Variants in BTNL3 observed in about 807,000 individuals in gnomAD.
BTNL3 encodes butyrophilin like 3, also known as butyrophilin-like protein 3.
A neutral mutation model predicts 40.1 loss-of-function variants in BTNL3; 20 were observed. That is an observed-to-expected ratio of 0.50 (90% CI 0.35 to 0.72). The LOEUF is 0.72. BTNL3 is among the 30% of genes least tolerant of loss of function. The pLI is 0.01. For missense variants in BTNL3, 449 were observed against 582.2 expected (o/e 0.77, Z 2.35); for synonymous variants, 179 against 222.1 (o/e 0.81, Z 1.73).
Position 180,988,868 on chromosome 5 carries a change from T to G in BTNL3, c.-161T>G. 1.2e-6 allele frequency: 1 copy of G among 836,370 alleles called. No individual in the cohort carries two copies. Among genetic ancestry groups the G allele is most frequent in the Non-Finnish European group, 1.8e-6 (1 of 551,704 alleles). 51.8% of individuals were successfully genotyped at this position (836,370 alleles called of 1,614,324 possible). On this transcript the variant is annotated 5_prime_UTR_variant, in exon 1 of 8. The change abolishes an upstream ATG in the 5' untranslated region. Coordinates refer to ENST00000342868, the MANE Select transcript of BTNL3 (RefSeq NM_197975.3). ...CCCATACTCCTCATTCATACAGCCA[T>G]GTTTAGGGAGGCTCTAGGGAGAAAT... is the stretch of plus-strand genomic sequence containing the variant.
Position 180,997,291 on chromosome 5 carries a change from G to C in BTNL3, c.476G>C (p.Trp159Ser). 1 of 1,464,690 alleles carries C rather than the reference G, an allele frequency of 6.8e-7. No individual in the cohort carries two copies. Among genetic ancestry groups the C allele is most frequent in the African/African-American group, 1.4e-5 (1 of 72,844 alleles). The allele number at this position is 1,464,690 out of a possible 1,614,324, so 90.7% of individuals were successfully genotyped here. The change falls in exon 3 of 8, where the codon TGG becomes TCG. Residue 159 changes from tryptophan (W) to serine (S), a missense_variant. This residue lies in a region of BTNL3 where 323 missense variants were observed against 464.9 expected (regional missense o/e 0.69). Transcript: ENST00000342868. ...CAGTTACTCTGCCTGTCCTCAGGCT[G>C]GTTCCCCCAGCCCACAGCCAAGTGG... ...GIQLLCLSSG[W>S]FPQPTAKWKG...
rs889528615 is a variant in BTNL3, at chr5:180,989,018, C to T, written c.-11C>T. Reference sequence around the variant, plus strand: ...GTTTTCATAGTGTGAGATCAACCCACAGGAATATCCATGGCTTTTGTGCTC... The same window carrying T: ...GTTTTCATAGTGTGAGATCAACCCATAGGAATATCCATGGCTTTTGTGCTC... On this transcript the variant is annotated 5_prime_UTR_variant, in exon 1 of 8. Coordinates refer to ENST00000342868, the MANE Select transcript of BTNL3 (RefSeq NM_197975.3). 6 of 1,448,594 alleles carry T rather than the reference C, an allele frequency of 4.1e-6. 2 individuals carry two copies. The highest frequency in any genetic ancestry group is 1.4e-5 in the African/African-American group (1 of 72,400). 89.7% of individuals were successfully genotyped at this position (1,448,594 alleles called of 1,614,324 possible). A position where few individuals can be genotyped will look rare whatever the true frequency, so the allele number is the denominator to read the frequency against.
At chr5:181,004,641 C>T in intron 6 of BTNL3, 95 bp from the exon 7 acceptor site, 5 of 1,612,714 alleles carry the variant, frequency 3.1e-6, no homozygotes, top group Non-Finnish European at 4.2e-6. Context: ...GTCCACAACA[C>T]TCAAAAAGGG....
intron 7 of BTNL3, 113 bp from the exon 8 acceptor site, chr5:181,005,221 G>A (rs989693783): frequency 6.5e-7 from 1 of 1,547,454 alleles, no homozygotes; most frequent in East Asian, 2.2e-5. Flanking sequence ...GGGATAGTGG[G>A]ACTGGCCGGA....
In BTNL3 at chr5:180,993,957, C is replaced by A. The variant is rs1034218757; in HGVS notation, c.397+797C>A. ...CTCAGATTACAGGCATGCGCCACCA[C>A]ACCCAGCTAATTTTTTTTTGTATTT... On this transcript the variant is annotated intron_variant, in intron 2 of 7. Transcript: ENST00000342868. Among the ~76,000 whole-genome samples, 4 of 135,826 alleles carry A rather than the reference C, an allele frequency of 2.9e-5. 1 individual carries two copies. The East Asian group carries it at 8.6e-4, about 29-fold the overall frequency. 89.1% of individuals were successfully genotyped at this position (135,826 alleles called of 152,430 possible). A position where few individuals can be genotyped will look rare whatever the true frequency, so the allele number is the denominator to read the frequency against.
In BTNL3 at chr5:181,005,835, G is replaced by A; in HGVS notation, c.1364G>A (p.Gly455Glu). 6.2e-7 allele frequency: 1 copy of A among 1,612,882 alleles called. No individual in the cohort carries two copies. The highest frequency in any genetic ancestry group is 8.5e-7 in the Non-Finnish European group (1 of 1,179,392). ...CATGCGATGTATGACGAGGAAAAGG[G>A]GACTCCCATATTCATATGTCCAGTG... ...IQHAMYDEEK[G>E]TPIFICPVSW... Residue 455 changes from glycine to glutamate, a missense_variant, in exon 8 of 8, where the codon GGG (glycine) becomes GAG (glutamate). By Grantham distance (98) the Gly-to-Glu change is moderately conservative (BLOSUM62 -2). This residue lies in a region of BTNL3 where 126 missense variants were observed against 117.2 expected (regional missense o/e 1.07). Coordinates refer to ENST00000342868, the MANE Select transcript of BTNL3 (RefSeq NM_197975.3).
Position 181,005,640 on chromosome 5 carries a change from C to A in BTNL3, c.1169C>A (p.Thr390Lys). The change falls in exon 8 of 8, where the codon ACA (threonine) becomes AAA (lysine). Residue 390 changes from threonine (T) to lysine (K), a missense_variant. By Grantham distance (78) the Thr-to-Lys change is moderately conservative (BLOSUM62 -1). Transcript: ENST00000342868. ...CTGACAACAGAACATTTGTATTTCA[C>A]ATTCAATCCCCATTTTATCAGCCTC... ...LRLTTEHLYF[T>K]FNPHFISLPP... 1 of 1,614,044 alleles carries A rather than the reference C, an allele frequency of 6.2e-7. No individual in the cohort carries two copies. The highest frequency in any genetic ancestry group is 8.5e-7 in the Non-Finnish European group (1 of 1,179,982).
chr5:181,004,115 T>C, intron 5 of BTNL3: 4 of 1,352,808 alleles, frequency 3.0e-6, no homozygotes, highest in Non-Finnish European at 4.0e-6. Flanking sequence ...TGTTGCCCGT[T>C]GGTTTGCTGT....
chr5:180,999,861 T>C (rs1020386529), intron 3 of BTNL3, among the ~76,000 whole-genome samples: 3 of 136,380 alleles, frequency 2.2e-5, no homozygotes, highest in African/African-American at 7.6e-5. Context: ...ATAGACTACC[T>C]GACTAATTTG....
rs112573626 is a variant in BTNL3 at position 181,005,622 on chromosome 5, C to G, written c.1151C>G (p.Thr384Arg). 7.6e-4 allele frequency: 1,222 copies of G among 1,614,036 alleles called. 8 individuals are homozygous for G. In the African/African-American group the frequency reaches 9.9e-3, roughly 13 times the overall value. The change falls in exon 8 of 8, where the codon ACA becomes AGA. Residue 384 changes from threonine to arginine, a missense_variant. Thr to Arg is a moderately conservative substitution (Grantham distance 71). Transcript: ENST00000342868. ...NNGYWVLRLT[T>R]EHLYFTFNPH... ...GGGTATTGGGTCCTCAGACTGACAA[C>G]AGAACATTTGTATTTCACATTCAAT...
chr5:180,998,952 C>A (rs1207813705), intron 3 of BTNL3, among the ~76,000 whole-genome samples: 1 of 136,118 alleles, frequency 7.3e-6, no homozygotes, highest in Admixed American at 7.8e-5. Flanking sequence ...AATGGTGAAA[C>A]CCCGTCTCTA....
chr5:180,989,183 T>G, intron 1 of BTNL3, 106 bp downstream of exon 1: 1 of 1,238,496 alleles, frequency 8.1e-7, no homozygotes, highest in Non-Finnish European at 1.1e-6. Flanking sequence ...TCTTTGGTGC[T>G]TGCATTCTCC....
At position 181,005,820 on chromosome 5, in the gene BTNL3, A is replaced by G. The variant is rs570861782; in HGVS notation, c.1349A>G (p.Tyr450Cys). The G allele has an allele frequency of 5.6e-6, 9 of 1,613,740 alleles. No individual in the cohort carries two copies. The highest frequency in any genetic ancestry group is 3.3e-5 in the Admixed American group (2 of 59,974). The change falls in exon 8 of 8, where the codon TAT becomes TGT. Residue 450 changes from tyrosine (Y) to cysteine (C), a missense_variant. This residue lies in a region of BTNL3 where 126 missense variants were observed against 117.2 expected (regional missense o/e 1.07). Coordinates refer to ENST00000342868, the MANE Select transcript of BTNL3 (RefSeq NM_197975.3). ...AGACCCTATATCCAGCATGCGATGTATGACGAGGAAAAGGGGACTCCCATA... is the reference window on the plus strand; with the variant it reads ...AGACCCTATATCCAGCATGCGATGTGTGACGAGGAAAAGGGGACTCCCATA... Reference protein sequence around the residue: ...LLRPYIQHAMYDEEKGTPIFI... With the variant: ...LLRPYIQHAMCDEEKGTPIFI...
rs73355213 is a variant in BTNL3, at chr5:180,996,019, T to A, written c.398-1194T>A. 7.9e-3 allele frequency among the ~76,000 whole-genome samples: 1,079 copies of A among 136,570 alleles called. 111 individuals carry two copies. The highest frequency in any genetic ancestry group is 0.025 in the African/African-American group (1,009 of 39,778). 89.6% of individuals were successfully genotyped at this position (136,570 alleles called of 152,430 possible). A position where few individuals can be genotyped will look rare whatever the true frequency, so the allele number is the denominator to read the frequency against. On this transcript the variant is annotated intron_variant, in intron 2 of 7. Coordinates refer to ENST00000342868, the MANE Select transcript of BTNL3 (RefSeq NM_197975.3). Reference sequence around the variant, plus strand: ...TACACCACCATCATTCTTTCATTAATTTATTGACTAACAAACATTTATTAG... The same window carrying A: ...TACACCACCATCATTCTTTCATTAAATTATTGACTAACAAACATTTATTAG...
chr5:181,003,092 G>A (rs190064140), intron 4 of BTNL3, among the ~76,000 whole-genome samples: 6 of 136,418 alleles, frequency 4.4e-5, no homozygotes, highest in African/African-American at 1.3e-4. Flanking sequence ...GCCGTGGCTC[G>A]TGTCTGTAAT....
At position 181,001,951 on chromosome 5, in the gene BTNL3, G is replaced by C. The variant is rs1263658604; in HGVS notation, c.674-721G>C. The stretch of plus-strand genomic sequence containing the variant: ...TCCTCCCACTTTGGCCTCCCAAACT[G>C]CTGGGTTTATAGGCATGAGCCACTG... On this transcript the variant is annotated intron_variant, in intron 3 of 7. Coordinates refer to ENST00000342868, the MANE Select transcript of BTNL3 (RefSeq NM_197975.3). 1.5e-5 allele frequency among the ~76,000 whole-genome samples: 2 copies of C among 134,324 alleles called. 1 individual carries two copies. Among genetic ancestry groups the C allele is most frequent in the Admixed American group, 1.6e-4 (2 of 12,618 alleles). The allele number at this position is 134,324 out of a possible 152,430, so 88.1% of individuals were successfully genotyped here. A position where few individuals can be genotyped will look rare whatever the true frequency, so the allele number is the denominator to read the frequency against.
At position 181,000,817 on chromosome 5, in the gene BTNL3, AAAAATAAAATAAAATAAAAAAAT is replaced by A. The variant is rs1760098804; in HGVS notation, c.674-1835_674-1813del. Among the ~76,000 whole-genome samples, 5 of 135,570 alleles carry A rather than the reference AAAAATAAAATAAAATAAAAAAAT, an allele frequency of 3.7e-5. 1 individual carries two copies. The highest frequency in any genetic ancestry group is 7.8e-5 in the Admixed American group (1 of 12,802). The allele number at this position is 135,570 out of a possible 152,430, so 88.9% of individuals were successfully genotyped here. ...GACAGAGCGAGACTCCGTCTCAAAA[AAAAATAAAATAAAATAAAAAAAT>A]AAAATAAAATAAAATAAAATCATAA... On this transcript the variant is annotated intron_variant, in intron 3 of 7. Transcript: ENST00000342868.
Position 181,005,690 on chromosome 5 carries a change from G to A in BTNL3, c.1219G>A (p.Val407Ile). The change falls in exon 8 of 8, where the codon GTA becomes ATA. Residue 407 changes from valine to isoleucine, a missense_variant. Val to Ile is a conservative substitution (Grantham distance 29). Around this residue, in one of 2 missense-constraint regions of BTNL3, gnomAD observed 126 missense variants for 117.2 expected, o/e 1.07. Transcript: ENST00000342868. ...CCCCCCCAGCACCCCTCCTACACGA[G>A]TAGGGGTCTTCCTGGACTATGAGGG... The part of the protein sequence containing the change: ...SLPPSTPPTR[V>I]GVFLDYEGGT... 6.2e-7 allele frequency: 1 copy of A among 1,614,102 alleles called. No homozygotes were observed. Among genetic ancestry groups the A allele is most frequent in the Non-Finnish European group, 8.5e-7 (1 of 1,180,014 alleles).
intron 5 of BTNL3, 69 bp from the exon 6 acceptor site, chr5:181,004,348 C>T: frequency 1.4e-6 from 1 of 722,104 alleles, no homozygotes; most frequent in Non-Finnish European, 2.3e-6. Flanking sequence ...CCCTCCCACG[C>T]CCTCCCTGGG....
Sources: allele counts gnomAD v4.1 joint callset (sites outside exome capture counted in the v4.1 genomes callset), GRCh38; gene constraint gnomAD v4.1.1; regional missense constraint gnomAD v4.1.1; transcripts MANE v1.5; gene names NCBI Gene and HGNC (gene_info 2026-07-23, HGNC 2026-07-21).